BCAR3: variants seen among roughly 807,000 people sequenced by gnomAD.
BCAR3 encodes breast cancer anti-estrogen resistance protein 3.
Under a neutral mutation model 80.1 loss-of-function variants are expected in BCAR3, and 37 were observed. That is an observed-to-expected ratio of 0.46 (90% CI 0.36 to 0.61). BCAR3 has a LOEUF of 0.61. Among genes scored for constraint, BCAR3 ranks in the 20% least tolerant of loss-of-function variants. The probability of loss-of-function intolerance (pLI) is 0.00; values close to 1 mark genes in which losing one functional copy is unlikely to be tolerated. For missense variants in BCAR3, 978 were observed against 1,068.2 expected (o/e 0.92, Z 1.18); for synonymous variants, 389 against 418.9 (o/e 0.93, Z 0.87).
intron 2 of BCAR3, among the ~76,000 whole-genome samples, chr1:93,779,973 G>A (rs1043494006): frequency 2.0e-5 from 3 of 152,040 alleles, no homozygotes; most frequent in African/African-American, 7.2e-5. Context: ...AACCCCTCAG[G>A]ACATGTCTTC....
At chr1:93,607,007 G>C (rs1192221033) in intron 3 of BCAR3, among the ~76,000 whole-genome samples, 1 of 152,182 alleles carries the variant, frequency 6.6e-6, no homozygotes, top group East Asian at 1.9e-4. Context: ...CCAATGGAAA[G>C]GGAGGGAGTA....
At chr1:93,702,441 T>A (rs1440234412) in intron 3 of BCAR3, among the ~76,000 whole-genome samples, 1 of 151,882 alleles carries the variant, frequency 6.6e-6, no homozygotes, top group African/African-American at 2.4e-5. Context: ...AGGTCCAGGC[T>A]GGCCTGGCAC....
chr1:93,645,063 A>T (rs1433369480), intron 2 of BCAR3, among the ~76,000 whole-genome samples: 10 of 152,150 alleles, frequency 6.6e-5, no homozygotes, highest in Admixed American at 6.5e-4. Flanking sequence ...TTCAGCTCTG[A>T]AGAGAAAGGG....
At chr1:93,715,772 A>G (rs745949279) in intron 2 of BCAR3, among the ~76,000 whole-genome samples, 1 of 152,238 alleles carries the variant, frequency 6.6e-6, no homozygotes, top group Non-Finnish European at 1.5e-5. Flanking sequence ...AGAAATGTGA[A>G]GACCTGGAGT....
intron 3 of BCAR3, among the ~76,000 whole-genome samples, chr1:93,618,979 G>A (rs1377713433): frequency 7.0e-6 from 1 of 143,448 alleles, no homozygotes; most frequent in Non-Finnish European, 1.5e-5. Context: ...TCGCTCTGTC[G>A]CCAGGCTGGA....
At chr1:93,776,233 T>G (rs1652541136) in intron 2 of BCAR3, among the ~76,000 whole-genome samples, 1 of 152,176 alleles carries the variant, frequency 6.6e-6, no homozygotes. Context: ...CTTTCTAATT[T>G]TATAGGATAG....
intron 3 of BCAR3, among the ~76,000 whole-genome samples, chr1:93,609,107 C>T (rs1220287696): frequency 1.3e-5 from 2 of 152,200 alleles, no homozygotes; most frequent in East Asian, 3.8e-4. Context: ...AACCAAGTTC[C>T]AGGGGCCTGG....
At chr1:93,758,008 T>A (rs1160153574) in intron 2 of BCAR3, among the ~76,000 whole-genome samples, 1 of 152,100 alleles carries the variant, frequency 6.6e-6, no homozygotes, top group Non-Finnish European at 1.5e-5. Context: ...TTCAGAGATA[T>A]CTTGAATGGA....
intron 2 of BCAR3, among the ~76,000 whole-genome samples, chr1:93,741,007 G>A (rs895313278): frequency 2.6e-5 from 4 of 152,198 alleles, no homozygotes; most frequent in East Asian, 1.9e-4. Flanking sequence ...GGGTGAAAGC[G>A]TGGCTTTTTG....
intron 2 of BCAR3, among the ~76,000 whole-genome samples, chr1:93,644,704 C>A (rs1358201482): frequency 3.3e-5 from 5 of 152,102 alleles, no homozygotes; most frequent in Admixed American, 3.3e-4. Flanking sequence ...ACATGTGGGG[C>A]CTCAGAGAAG....
At chr1:93,698,786 G>C (rs1343457090) in intron 3 of BCAR3, among the ~76,000 whole-genome samples, 1 of 152,166 alleles carries the variant, frequency 6.6e-6, no homozygotes, top group Non-Finnish European at 1.5e-5. Context: ...GGTGAAAGGG[G>C]GCTGTTGAGT....
chr1:93,623,259 G>T (rs756538877), intron 3 of BCAR3, among the ~76,000 whole-genome samples: 1 of 152,066 alleles, frequency 6.6e-6, no homozygotes, highest in African/African-American at 2.4e-5. Context: ...AGAGATAATA[G>T]AAATATAGCA....
At position 93,625,374 on chromosome 1, in the gene BCAR3, C is replaced by T. The variant is rs542215223; in HGVS notation, c.357+16930G>A. 2.6e-5 allele frequency among the ~76,000 whole-genome samples: 4 copies of T among 152,280 alleles called. No homozygotes were observed. In the South Asian group the frequency reaches 6.2e-4, roughly 24 times the overall value. ...GGGACTTGACTCTATTCTGTCAAGG[C>T]TTTCATGTAGAGACCATGAGGAGAC... On this transcript the variant is annotated intron_variant, in intron 3 of 11. Coordinates refer to ENST00000260502, the MANE Select transcript of BCAR3 (RefSeq NM_003567.4).
chr1:93,779,132 G>A (rs931536927), intron 2 of BCAR3, among the ~76,000 whole-genome samples: 3 of 152,198 alleles, frequency 2.0e-5, no homozygotes, highest in Non-Finnish European at 4.4e-5. Context: ...TGAGGGAGAA[G>A]CGCCGATGCT....
Position 93,589,166 on chromosome 1 carries a change from G to A in BCAR3, c.740C>T (p.Ala247Val). 6.2e-7 allele frequency: 1 copy of A among 1,613,822 alleles called. No homozygotes were observed. Among genetic ancestry groups the A allele is most frequent in the Non-Finnish European group, 8.5e-7 (1 of 1,179,948 alleles). ...NRRPISQQSGAIIFQPINRTV... is the reference protein window; with the variant it reads ...NRRPISQQSGVIIFQPINRTV... ...CCTGTTGATGGGCTGGAAGATGATGGCGCCACTCTGCTGGGAGATGGGCCG... is the reference window on the plus strand; with the variant it reads ...CCTGTTGATGGGCTGGAAGATGATGACGCCACTCTGCTGGGAGATGGGCCG... The change falls in exon 5 of 12, where the codon GCC becomes GTC. Residue 247 changes from alanine to valine, a missense_variant. By Grantham distance (64) the Ala-to-Val change is moderately conservative. Coordinates refer to ENST00000260502, the MANE Select transcript of BCAR3 (RefSeq NM_003567.4).
intron 2 of BCAR3, among the ~76,000 whole-genome samples, chr1:93,709,247 C>T (rs753330986): frequency 2.0e-4 from 31 of 152,210 alleles, no homozygotes; most frequent in Non-Finnish European, 3.7e-4. Context: ...TAACAGCAGG[C>T]CTTCCTGGAG....
rs1299094717 is a variant in BCAR3 at position 93,782,303 on chromosome 1, T to G, written c.-63+63264A>C. Among the ~76,000 whole-genome samples the G allele has an allele frequency of 2.0e-5, 3 of 152,318 alleles. No individual in the cohort carries two copies. The East Asian group carries it at 5.8e-4, about 29-fold the overall frequency. ...AGCAGTAATGTTCCTGGGGACCACT[T>G]GGCATCTTCAGCTTTGCCCCATTTT... On this transcript the variant is annotated intron_variant, in intron 2 of 13. Transcript: ENST00000370244.
intron 2 of BCAR3, among the ~76,000 whole-genome samples, chr1:93,784,479 C>T (rs1349419034): frequency 6.6e-6 from 1 of 152,126 alleles, no homozygotes; most frequent in Non-Finnish European, 1.5e-5. Context: ...GCCAGCAGTG[C>T]TGAGGGTGAG....
At chr1:93,585,266 G>A (rs2101836866) in intron 5 of BCAR3, 1 of 942,048 alleles carries the variant, frequency 1.1e-6, no homozygotes, top group Non-Finnish European at 1.3e-6. Flanking sequence ...AGCTGCATAA[G>A]GGAGCCACTG....
Sources: gnomAD v4.1 joint callset for allele counts (sites outside exome capture counted in the v4.1 genomes callset) on GRCh38, gnomAD v4.1.1 for gene constraint, MANE v1.5 for transcripts, NCBI Gene and HGNC (gene_info 2026-07-23, HGNC 2026-07-21) for gene names.